The following FER1L6 variants were observed in gnomAD, a reference collection of about 807,000 sequenced individuals.
FER1L6 encodes fer-1 like family member 6.
A neutral mutation model predicts 219.2 loss-of-function variants in FER1L6; 177 were observed. The ratio of observed to expected loss-of-function variants is 0.81; its 90% CI spans 0.71 to 0.91. FER1L6 has a LOEUF of 0.91. Among genes scored for constraint, FER1L6 ranks in the 40% least tolerant of loss-of-function variants. The pLI, the probability that FER1L6 is intolerant of heterozygous loss-of-function variation, is 0.00. For missense variants in FER1L6, 2,153 were observed against 2,259.9 expected, an observed-to-expected ratio of 0.95 and a Z score of 0.96; for synonymous variants, 768 against 824.3, an observed-to-expected ratio of 0.93 and a Z score of 1.17.
At chr8:124,067,433 T>C (rs535864588) in intron 27 of FER1L6, among the ~76,000 whole-genome samples, 1 of 152,264 alleles carries the variant, frequency 6.6e-6, no homozygotes, top group Admixed American at 6.5e-5. Flanking sequence ...ATGGTGCAGA[T>C]GAGGGAGATG....
chr8:123,970,633 T>C (rs1815761984), intron 6 of FER1L6, among the ~76,000 whole-genome samples: 1 of 152,158 alleles, frequency 6.6e-6, no homozygotes, highest in Admixed American at 6.6e-5. Flanking sequence ...TTTTCAAAAG[T>C]TGCCTCTGAG....
chr8:124,077,937 A>G (rs1487174253), intron 32 of FER1L6, among the ~76,000 whole-genome samples: 1 of 152,196 alleles, frequency 6.6e-6, no homozygotes, highest in Non-Finnish European at 1.5e-5. Context: ...GTGCCTCAGT[A>G]TCGGTGTGAG....
chr8:123,935,832 T>G (rs1469581037), intron 1 of FER1L6, among the ~76,000 whole-genome samples: 1 of 152,142 alleles, frequency 6.6e-6, no homozygotes, highest in East Asian at 1.9e-4. Context: ...TGCCTTGCAC[T>G]AATTTTAATT....
chr8:123,954,036 A>G (rs1467088145), intron 1 of FER1L6, among the ~76,000 whole-genome samples: 1 of 152,232 alleles, frequency 6.6e-6, no homozygotes, highest in African/African-American at 2.4e-5. Flanking sequence ...CTTATTTAGC[A>G]CTTTCTATAT....
intron 1 of FER1L6, among the ~76,000 whole-genome samples, chr8:123,903,059 C>T (rs184954498): frequency 7.0e-4 from 107 of 152,104 alleles, no homozygotes; most frequent in African/African-American, 2.5e-3. Context: ...ATATATGATG[C>T]TTAGTAATTT....
At chr8:124,020,456 C>T (rs1268255185) in intron 16 of FER1L6, among the ~76,000 whole-genome samples, 2 of 152,186 alleles carry the variant, frequency 1.3e-5, no homozygotes, top group East Asian at 3.9e-4. Flanking sequence ...GGCCAATGCA[C>T]ACAGGGCCTT....
chr8:124,037,712 G>A (rs1421722566), intron 19 of FER1L6, among the ~76,000 whole-genome samples: 1 of 152,160 alleles, frequency 6.6e-6, no homozygotes, highest in Admixed American at 6.5e-5. Context: ...GTGGCATGGG[G>A]TGGAGGGTAG....
intron 22 of FER1L6, among the ~76,000 whole-genome samples, chr8:124,057,833 C>T (rs746796072): frequency 6.6e-6 from 1 of 152,090 alleles, no homozygotes; most frequent in Non-Finnish European, 1.5e-5. Flanking sequence ...TATAGAATTT[C>T]CATTTCTTTT....
chr8:123,979,987 T>A (rs760380617), intron 10 of FER1L6, among the ~76,000 whole-genome samples: 5 of 152,168 alleles, frequency 3.3e-5, no homozygotes, highest in Non-Finnish European at 7.3e-5. Flanking sequence ...GAACACACAC[T>A]CTCTCTCTTC....
At chr8:123,895,552 C>T (rs561591295) in intron 1 of FER1L6, among the ~76,000 whole-genome samples, 76 of 152,166 alleles carry the variant, frequency 5.0e-4, no homozygotes, top group Middle Eastern at 6.8e-3. Context: ...TCGTAGGTCG[C>T]GGAGTTGGGT....
rs543500934 is a variant in FER1L6, at chr8:123,992,300, T to C, written c.1519+6124T>C. Among the ~76,000 whole-genome samples, 5 of 152,218 alleles carry C rather than the reference T, an allele frequency of 3.3e-5. No homozygotes were observed. In the East Asian group the frequency reaches 9.6e-4, roughly 29 times the overall value. On this transcript the variant is annotated intron_variant, in intron 12 of 40. Coordinates refer to ENST00000522917, the MANE Select transcript of FER1L6 (RefSeq NM_001039112.2). The stretch of plus-strand genomic sequence containing the variant: ...TACTAACTCTTTTATGAATGTCTGG[T>C]AGAATTCAGCTGTGAATCCATCTGG...
Position 123,992,495 on chromosome 8 carries a change from A to G in FER1L6, c.1519+6319A>G, listed in dbSNP as rs138961847. On this transcript the variant is annotated intron_variant, in intron 12 of 40. Coordinates refer to ENST00000522917, the MANE Select transcript of FER1L6 (RefSeq NM_001039112.2). ...AGATTTTCTAGTTTGTGTGCATAGA[A>G]GTATTCATAGTAGTCTTGAATGATC... is the stretch of plus-strand genomic sequence containing the variant. Among the ~76,000 whole-genome samples, 802 of 152,226 alleles carry G rather than the reference A, an allele frequency of 5.3e-3. 1 individual carries two copies. The highest frequency in any genetic ancestry group is 0.01 in the Middle Eastern group (3 of 294).
intron 3 of FER1L6, among the ~76,000 whole-genome samples, chr8:123,965,622 G>A (rs879542836): frequency 2.6e-5 from 4 of 152,208 alleles, no homozygotes; most frequent in Admixed American, 2.0e-4. Flanking sequence ...GCAGGAGACT[G>A]GGAGTTCCTT....
intron 6 of FER1L6, among the ~76,000 whole-genome samples, chr8:123,971,149 A>G (rs541995105): frequency 6.6e-6 from 1 of 152,358 alleles, no homozygotes; most frequent in East Asian, 1.9e-4. Context: ...CTGACTCAAT[A>G]TAATATCTAA....
intron 22 of FER1L6, among the ~76,000 whole-genome samples, chr8:124,050,809 CCCTCATGA>C (rs1328786683): frequency 2.0e-5 from 3 of 151,912 alleles, no homozygotes; most frequent in African/African-American, 4.8e-5. Context: ...GAGCGTTTTG[CCCTCATGA>C]CCTCATGACC....
At chr8:123,902,423 T>A (rs1306225129) in intron 1 of FER1L6, among the ~76,000 whole-genome samples, 2 of 152,334 alleles carry the variant, frequency 1.3e-5, no homozygotes, top group East Asian at 3.9e-4. Context: ...TCCCCCACTA[T>A]TATTGTGTTG....
chr8:123,871,905 A>C (rs1165695989), intron 1 of FER1L6, among the ~76,000 whole-genome samples: 1 of 152,172 alleles, frequency 6.6e-6, no homozygotes, highest in African/African-American at 2.4e-5. Context: ...TCTGTGGTCT[A>C]CCCTCTGAAA....
chr8:124,095,038 G>C lies in FER1L6; in HGVS notation c.4695G>C (p.Gln1565His). ...ACAAGGATAAGCCAGGAATGGAGCAGGTAGTGGGCAAGACTATTCTGGCCC... is the reference window on the plus strand; with the variant it reads ...ACAAGGATAAGCCAGGAATGGAGCACGTAGTGGGCAAGACTATTCTGGCCC... ...LYHKDKPGME[Q>H]GRLQMWVDMF... Residue 1565 changes from glutamine (Q) to histidine (H), a missense_variant and splice_region_variant, in exon 35 of 41, where the codon CAG (glutamine) becomes CAC (histidine). Coordinates refer to ENST00000522917, the MANE Select transcript of FER1L6 (RefSeq NM_001039112.2). The C allele has an allele frequency of 6.2e-7, 1 of 1,614,040 alleles. No homozygotes were observed. Among genetic ancestry groups the C allele is most frequent in the Non-Finnish European group, 8.5e-7 (1 of 1,179,942 alleles).
chr8:124,002,205 A>G (rs143879753), intron 12 of FER1L6, among the ~76,000 whole-genome samples: 236 of 152,338 alleles, frequency 1.5e-3, no homozygotes, highest in African/African-American at 5.0e-3. Context: ...GCAATTCTGT[A>G]CGGAAGGTGG....
Sources: allele counts gnomAD v4.1 joint callset (sites outside exome capture counted in the v4.1 genomes callset), GRCh38; gene constraint gnomAD v4.1.1; transcripts MANE v1.5; gene names NCBI Gene and HGNC (gene_info 2026-07-23, HGNC 2026-07-21).